Variants in RBFOX1 observed in about 807,000 individuals in gnomAD.
The protein encoded by RBFOX1 is RNA binding protein fox-1 homolog 1.
Under a neutral mutation model 57.7 loss-of-function variants are expected in RBFOX1, and 8 were observed. The ratio of observed to expected loss-of-function variants is 0.14; its 90% CI spans 0.08 to 0.25. RBFOX1 has a LOEUF of 0.25. Ranked by LOEUF, RBFOX1 falls within the 10% of genes least tolerant of loss-of-function variation. RBFOX1 has a pLI of 1.00. For synonymous variants in RBFOX1, 326 were observed against 222.4 expected (o/e 1.47, Z -4.15); for missense variants, 611 against 548.5 (o/e 1.11, Z -1.14).
chr16:5,853,850 G>C (rs1405261418), intron 3 of RBFOX1, among the ~76,000 whole-genome samples: 1 of 152,096 alleles, frequency 6.6e-6, no homozygotes, highest in Non-Finnish European at 1.5e-5. Flanking sequence ...TGAACTCCTG[G>C]CCTCAAGCAA....
At chr16:6,450,857 A>ATGTATATATATATGTG (rs1179276617) in intron 2 of RBFOX1, among the ~76,000 whole-genome samples, 1 of 82,746 alleles carries the variant, frequency 1.2e-5, no homozygotes, top group African/African-American at 5.3e-5. Flanking sequence ...ATATATATAT[A>ATGTATATATATATGTG]TATATATATA....
intron 3 of RBFOX1, among the ~76,000 whole-genome samples, chr16:5,742,287 C>T (rs1221850903): frequency 2.0e-5 from 3 of 149,450 alleles, no homozygotes; most frequent in Non-Finnish European, 4.5e-5. Flanking sequence ...TCCCTCCCTC[C>T]CTTCCTGCCT....
chr16:7,066,606 C>T (rs1351181), intron 4 of RBFOX1, among the ~76,000 whole-genome samples: 103,144 of 152,124 alleles, frequency 0.68, 35,418 homozygotes, highest in South Asian at 0.74. Context: ...ACTCATAAAG[C>T]GGGGGGTGTT....
intron 4 of RBFOX1, among the ~76,000 whole-genome samples, chr16:7,191,609 A>C (rs1162864041): frequency 6.6e-6 from 1 of 152,236 alleles, no homozygotes; most frequent in African/African-American, 2.4e-5. Context: ...TAAATTTAAT[A>C]AGCAAGTAGA....
At chr16:7,200,714 G>A (rs1438171047) in intron 4 of RBFOX1, among the ~76,000 whole-genome samples, 1 of 152,178 alleles carries the variant, frequency 6.6e-6, no homozygotes, top group African/African-American at 2.4e-5. Context: ...GTGTTCCTCG[G>A]CTTAGCAGAG....
At chr16:7,114,584 C>G (rs924709391) in intron 4 of RBFOX1, among the ~76,000 whole-genome samples, 2 of 152,196 alleles carry the variant, frequency 1.3e-5, no homozygotes, top group Non-Finnish European at 2.9e-5. Flanking sequence ...TTTATCTCCT[C>G]TAGCCCAAGA....
intron 4 of RBFOX1, among the ~76,000 whole-genome samples, chr16:7,382,810 T>C (rs2148024244): frequency 6.6e-6 from 1 of 152,354 alleles, no homozygotes; most frequent in South Asian, 2.1e-4. Flanking sequence ...AGAGGAATAA[T>C]GCCTAAGTAC....
chr16:5,262,152 T>C (rs2151101263), intron 1 of RBFOX1, among the ~76,000 whole-genome samples: 1 of 152,244 alleles, frequency 6.6e-6, no homozygotes, highest in Middle Eastern at 3.4e-3. Flanking sequence ...AGAGGTAACA[T>C]TTGAACTAAG....
At chr16:6,763,405 C>G (rs1433928408) in intron 3 of RBFOX1, among the ~76,000 whole-genome samples, 4 of 152,204 alleles carry the variant, frequency 2.6e-5, no homozygotes, top group East Asian at 1.9e-4. Flanking sequence ...TTTGGCACAA[C>G]CATTCAACCA....
At chr16:5,322,673 T>G (rs2050462923) in intron 1 of RBFOX1, among the ~76,000 whole-genome samples, 1 of 152,212 alleles carries the variant, frequency 6.6e-6, no homozygotes. Flanking sequence ...TCAAATCCCG[T>G]GGTTCCTATG....
intron 3 of RBFOX1, among the ~76,000 whole-genome samples, chr16:7,030,500 T>A (rs1365812523): frequency 6.6e-6 from 1 of 152,160 alleles, no homozygotes; most frequent in Non-Finnish European, 1.5e-5. Flanking sequence ...CACCTTCCAG[T>A]GGCTCCAGGC....
chr16:5,810,469 C>T (rs934247202), intron 3 of RBFOX1, among the ~76,000 whole-genome samples: 2 of 152,208 alleles, frequency 1.3e-5, no homozygotes, highest in African/African-American at 4.8e-5. Context: ...AAGCACCCAG[C>T]CTGGTGCTTT....
intron 5 of RBFOX1, among the ~76,000 whole-genome samples, chr16:7,578,576 G>T (rs183082420): frequency 1.3e-5 from 2 of 152,252 alleles, no homozygotes; most frequent in East Asian, 3.9e-4. Flanking sequence ...TCTTCTCTCG[G>T]TCGTTATTAT....
At chr16:6,798,993 A>G (rs1050336423) in intron 3 of RBFOX1, among the ~76,000 whole-genome samples, 1 of 152,130 alleles carries the variant, frequency 6.6e-6, no homozygotes, top group African/African-American at 2.4e-5. Context: ...CTTTTAGGAA[A>G]AAGAAGAATG....
At chr16:6,880,656 A>C (rs1167533310) in intron 3 of RBFOX1, among the ~76,000 whole-genome samples, 2 of 152,206 alleles carry the variant, frequency 1.3e-5, no homozygotes, top group Non-Finnish European at 2.9e-5. Flanking sequence ...TAAAATTAGC[A>C]GTAAAGAAAT....
chr16:7,042,833 G>C (rs112206654), intron 3 of RBFOX1, among the ~76,000 whole-genome samples: 1 of 152,180 alleles, frequency 6.6e-6, no homozygotes, highest in Non-Finnish European at 1.5e-5. Flanking sequence ...GGCTGAGGCA[G>C]GAGAATCACT....
chr16:6,896,649 C>T (rs1039562400), intron 3 of RBFOX1, among the ~76,000 whole-genome samples: 2 of 152,138 alleles, frequency 1.3e-5, no homozygotes, highest in Non-Finnish European at 2.9e-5. Flanking sequence ...GCACTTAGAA[C>T]AGTGCTTGGG....
chr16:7,554,248 G>T (rs1192114463), intron 5 of RBFOX1, among the ~76,000 whole-genome samples: 1 of 152,190 alleles, frequency 6.6e-6, no homozygotes, highest in Non-Finnish European at 1.5e-5. Context: ...GCAAAGGAAT[G>T]CACAGAAATA....
chr16:5,805,671 G>A (rs1475205535), intron 3 of RBFOX1, among the ~76,000 whole-genome samples: 1 of 152,216 alleles, frequency 6.6e-6, no homozygotes, highest in Non-Finnish European at 1.5e-5. Flanking sequence ...CAGGGGGAAG[G>A]ATAAATTAGC....
Sources: gnomAD v4.1 joint callset for allele counts (sites outside exome capture counted in the v4.1 genomes callset) on GRCh38, gnomAD v4.1.1 for gene constraint, MANE v1.5 for transcripts, NCBI Gene and HGNC (gene_info 2026-07-23, HGNC 2026-07-21) for gene names.